ATAD1: variants seen among roughly 807,000 people sequenced by gnomAD.
ATAD1 encodes the protein ATPase family AAA domain containing 1.
In ATAD1, 18 loss-of-function variants were observed where a neutral mutation model predicts 42.7. The observed-to-expected ratio is 0.42, with a 90% CI of 0.29 to 0.63. The LOEUF (loss-of-function observed/expected upper bound fraction) is 0.63. Ranked by LOEUF, ATAD1 falls within the 20% of genes least tolerant of loss-of-function variation. The probability of loss-of-function intolerance (pLI) is 0.19; values close to 1 mark genes in which losing one functional copy is unlikely to be tolerated. For synonymous variants in ATAD1, 132 were observed against 143.1 expected (o/e 0.92, Z 0.55); for missense variants, 294 against 440.4 (o/e 0.67, Z 2.98).
intron 1 of ATAD1, among the ~76,000 whole-genome samples, chr10:87,829,309 G>A (rs1857787815): frequency 6.6e-6 from 1 of 151,728 alleles, no homozygotes; most frequent in African/African-American, 2.4e-5. Context: ...AGGCTGGAGT[G>A]TAGTGGCGTG....
intron 1 of ATAD1, among the ~76,000 whole-genome samples, chr10:87,826,271 T>G (rs1857728073): frequency 6.6e-6 from 1 of 152,208 alleles, no homozygotes; most frequent in African/African-American, 2.4e-5. Context: ...TCATTCAACT[T>G]CAAAATAGTA....
rs761120512 is a variant in ATAD1 at position 87,767,722 on chromosome 10, G to C, written c.782C>G (p.Ala261Gly). Residue 261 changes from alanine to glycine, a missense_variant and splice_region_variant, in exon 8 of 10, where the codon GCT (alanine) becomes GGT (glycine). Ala to Gly is a moderately conservative substitution (Grantham distance 60). Transcript: ENST00000680024. Reference protein sequence around the residue: ...MPTRFHINQPALKQREAILKL... With the variant: ...MPTRFHINQPGLKQREAILKL... Reference sequence around the variant, plus strand: ...CAGGATTGCTTCTCTCTGTTTTAAAGCCTAAAAGCAGGATAATTTCCAGTT... The same window carrying C: ...CAGGATTGCTTCTCTCTGTTTTAAACCCTAAAAGCAGGATAATTTCCAGTT... 1 of 1,605,180 alleles carries C rather than the reference G, an allele frequency of 6.2e-7. No homozygotes were observed. The highest frequency in any genetic ancestry group is 1.1e-5 in the South Asian group (1 of 88,554).
At chr10:87,774,848 G>A (rs1246096396) in intron 6 of ATAD1, among the ~76,000 whole-genome samples, 2 of 152,090 alleles carry the variant, frequency 1.3e-5, no homozygotes, top group Non-Finnish European at 2.9e-5. Context: ...AGAGACTTGG[G>A]GTGCTAAGGC....
intron 1 of ATAD1, chr10:87,817,847 G>A: frequency 1.0e-6 from 1 of 985,498 alleles, no homozygotes; most frequent in Non-Finnish European, 1.2e-6. Context: ...GAAGTCTTCC[G>A]GGACGACCTC....
intron 1 of ATAD1, chr10:87,815,026 G>A (rs1413728590): frequency 6.6e-6 from 1 of 152,300 alleles, no homozygotes; most frequent in African/African-American, 2.4e-5. Context: ...TCTATTAACT[G>A]TATCATATAC....
chr10:87,820,155 A>ACT (rs1857604688), upstream of ATAD1, among the ~76,000 whole-genome samples: 6 of 151,760 alleles, frequency 4.0e-5, no homozygotes, highest in Admixed American at 3.9e-4. Flanking sequence ...CTTTCAAGAG[A>ACT]CTCTCCACTG....
chr10:87,762,237 C>T (rs571098062), intron 8 of ATAD1, among the ~76,000 whole-genome samples: 7 of 152,264 alleles, frequency 4.6e-5, no homozygotes, highest in East Asian at 3.9e-4. Context: ...TCATGCAAAA[C>T]GATCCTTCAT....
intron 1 of ATAD1, among the ~76,000 whole-genome samples, chr10:87,816,651 C>G (rs1342026152): frequency 6.6e-6 from 1 of 152,150 alleles, no homozygotes; most frequent in Admixed American, 6.5e-5. Flanking sequence ...AGTGTGCTAT[C>G]TTCCATCAGC....
At chr10:87,811,162 G>A (rs529480296) in intron 2 of ATAD1, among the ~76,000 whole-genome samples, 3 of 151,958 alleles carry the variant, frequency 2.0e-5, no homozygotes, top group South Asian at 2.1e-4. Flanking sequence ...GTGAAACCCC[G>A]TCTCTACTAA....
At chr10:87,809,628 TTTTA>T (rs971384147) in intron 2 of ATAD1, among the ~76,000 whole-genome samples, 81 of 151,054 alleles carry the variant, frequency 5.4e-4, no homozygotes, top group Admixed American at 1.7e-3. Context: ...TCCTAATTTT[TTTTA>T]TTTATTAATT....
At chr10:87,833,631 C>G (rs1396278832) in intron 1 of ATAD1, among the ~76,000 whole-genome samples, 1 of 151,338 alleles carries the variant, frequency 6.6e-6, no homozygotes, top group Non-Finnish European at 1.5e-5. Context: ...GTTGTGAAAT[C>G]CCCTTCTACC....
At chr10:87,809,635 TATTA>T (rs1001981789) in intron 2 of ATAD1, among the ~76,000 whole-genome samples, 13 of 150,674 alleles carry the variant, frequency 8.6e-5, no homozygotes, top group African/African-American at 2.9e-4. Context: ...TTTTTTTATT[TATTA>T]ATTTTATTTA....
At chr10:87,763,418 G>T (rs952096645) in intron 8 of ATAD1, among the ~76,000 whole-genome samples, 2 of 152,272 alleles carry the variant, frequency 1.3e-5, no homozygotes, top group South Asian at 4.1e-4. Context: ...TAGCACTTTG[G>T]GAGTCCAGGG....
chr10:87,804,474 A>G (rs548650762), intron 2 of ATAD1, among the ~76,000 whole-genome samples: 1 of 152,138 alleles, frequency 6.6e-6, no homozygotes, highest in Non-Finnish European at 1.5e-5. Context: ...GGTTCAAGCG[A>G]TTCTCCTGCC....
At position 87,756,807 on chromosome 10, in the gene ATAD1, T is replaced by TTAACATATTCTC; in HGVS notation, c.935_946dup (p.Arg312_Val315dup). 6.2e-7 allele frequency: 1 copy of TTAACATATTCTC among 1,604,610 alleles called. No homozygotes were observed. The highest frequency in any genetic ancestry group is 8.5e-7 in the Non-Finnish European group (1 of 1,176,422). On this transcript the variant is annotated inframe_insertion, in exon 9 of 10. Transcript: ENST00000680024. ...AACATACCTTTCTTCTGATGTAGAA[T>TTAACATATTCTC]TAACATATTCTCTAACACAGAGGAG...
intron 5 of ATAD1, among the ~76,000 whole-genome samples, chr10:87,784,233 A>G (rs756754890): frequency 1.3e-5 from 2 of 152,196 alleles, no homozygotes; most frequent in Non-Finnish European, 2.9e-5. Context: ...ATGTACATGG[A>G]TATCTACTGC....
In ATAD1 at chr10:87,788,218, T is replaced by C. The variant is rs564410721; in HGVS notation, c.382+2092A>G. On this transcript the variant is annotated intron_variant, in intron 4 of 9. Coordinates refer to ENST00000680024, the MANE Select transcript of ATAD1 (RefSeq NM_001321967.2). ...CTGCAGTCACTCTCCAATTATCTTT[T>C]TGTAGTCTGTGTGAAGCAGTGATCA... 3.9e-5 allele frequency among the ~76,000 whole-genome samples: 6 copies of C among 152,320 alleles called. No homozygotes were observed. In the East Asian group the frequency reaches 1.2e-3, roughly 29 times the overall value.
upstream of ATAD1, among the ~76,000 whole-genome samples, chr10:87,820,041 A>G (rs150129392): frequency 5.3e-5 from 8 of 152,348 alleles, no homozygotes; most frequent in East Asian, 1.3e-3. Flanking sequence ...TTAGAGAGAT[A>G]GACCTTTGAG....
chr10:87,816,100 G>A (rs1857404171), intron 1 of ATAD1, among the ~76,000 whole-genome samples: 1 of 152,070 alleles, frequency 6.6e-6, no homozygotes, highest in African/African-American at 2.4e-5. Flanking sequence ...TCTTAAAAAA[G>A]TCTTGCTTTT....
Sources: gnomAD v4.1 joint callset for allele counts (sites outside exome capture counted in the v4.1 genomes callset) on GRCh38, gnomAD v4.1.1 for gene constraint, MANE v1.5 for transcripts, NCBI Gene and HGNC (gene_info 2026-07-23, HGNC 2026-07-21) for gene names.